Variants in CDH13 observed in about 807,000 individuals in gnomAD.
CDH13 encodes cadherin-13.
CDH13 carries 24 observed loss-of-function variants against 63.8 expected under a neutral mutation model. That is an observed-to-expected ratio of 0.38 (90% CI 0.27 to 0.53). The LOEUF (loss-of-function observed/expected upper bound fraction) is 0.53, where lower values mean the gene tolerates loss of function less well. Ranked by LOEUF, CDH13 falls within the 20% of genes least tolerant of loss-of-function variation. The probability of loss-of-function intolerance (pLI) is 0.85; values close to 1 mark genes in which losing one functional copy is unlikely to be tolerated. For synonymous variants in CDH13, 503 were observed against 355.3 expected, an observed-to-expected ratio of 1.42 and a Z score of -4.67; for missense variants, 1,049 against 903.1, an observed-to-expected ratio of 1.16 and a Z score of -2.07.
intron 7 of CDH13, among the ~76,000 whole-genome samples, chr16:83,521,070 A>C (rs187532654): frequency 4.6e-5 from 7 of 152,360 alleles, no homozygotes; most frequent in African/African-American, 1.7e-4. Context: ...TTAAAGCAAC[A>C]TGCTCTCTTT....
intron 5 of CDH13, among the ~76,000 whole-genome samples, chr16:83,220,326 T>C (rs1033999354): frequency 2.6e-5 from 4 of 152,212 alleles, no homozygotes; most frequent in African/African-American, 4.8e-5. Flanking sequence ...GGCACAGGAA[T>C]GTTGCAATTT....
intron 1 of CDH13, among the ~76,000 whole-genome samples, chr16:82,852,491 T>C (rs286674): frequency 0.26 from 38,822 of 152,044 alleles, 5,280 homozygotes; most frequent in Middle Eastern, 0.32. Context: ...TGCAGGACAT[T>C]CAGGGGCCAT....
At chr16:82,638,174 T>C (rs1218219575) in intron 1 of CDH13, among the ~76,000 whole-genome samples, 1 of 152,164 alleles carries the variant, frequency 6.6e-6, no homozygotes, top group Non-Finnish European at 1.5e-5. Flanking sequence ...TGAAGAACGC[T>C]GCAAACCTGG....
chr16:83,350,752 T>C (rs2090936377), intron 6 of CDH13, among the ~76,000 whole-genome samples: 1 of 152,098 alleles, frequency 6.6e-6, no homozygotes, highest in Non-Finnish European at 1.5e-5. Flanking sequence ...TATGGGAGGC[T>C]CATCTCGGGA....
At chr16:83,086,632 A>G (rs1224916797) in intron 3 of CDH13, among the ~76,000 whole-genome samples, 1 of 152,232 alleles carries the variant, frequency 6.6e-6, no homozygotes, top group African/African-American at 2.4e-5. Flanking sequence ...TGACCTTGAC[A>G]TTTAAACCAT....
intron 2 of CDH13, among the ~76,000 whole-genome samples, chr16:82,903,797 G>A (rs1399863149): frequency 2.0e-5 from 3 of 152,144 alleles, no homozygotes; most frequent in African/African-American, 2.4e-5. Flanking sequence ...TCATAGGGAA[G>A]GTAGGGTTTA....
intron 7 of CDH13, among the ~76,000 whole-genome samples, chr16:83,504,606 G>T (rs1427641183): frequency 1.3e-5 from 2 of 152,156 alleles, no homozygotes; most frequent in East Asian, 1.9e-4. Context: ...CACTCCGGGT[G>T]CTGTGCCCAT....
intron 5 of CDH13, among the ~76,000 whole-genome samples, chr16:83,299,292 GAA>G (rs11308841): frequency 0.02 from 2,801 of 143,110 alleles, 77 homozygotes; most frequent in African/African-American, 0.058. Context: ...ATCAGGCCAT[GAA>G]AAAAAAAAAA....
chr16:83,485,809 A>C (rs756962172), intron 6 of CDH13, among the ~76,000 whole-genome samples: 1 of 152,050 alleles, frequency 6.6e-6, no homozygotes, highest in Non-Finnish European at 1.5e-5. Context: ...CTGTTTCCCC[A>C]ACACGCAGCC....
chr16:82,959,113 T>C (rs1203175963), intron 2 of CDH13, among the ~76,000 whole-genome samples: 2 of 152,208 alleles, frequency 1.3e-5, no homozygotes, highest in African/African-American at 2.4e-5. Flanking sequence ...ATATAAATAA[T>C]TATCTTTCAC....
chr16:82,756,237 C>G (rs1217714856), intron 1 of CDH13, among the ~76,000 whole-genome samples: 1 of 152,022 alleles, frequency 6.6e-6, no homozygotes, highest in Admixed American at 6.5e-5. Context: ...ATTAGATATT[C>G]TGGAATAAAA....
rs574545302 is a variant in CDH13, at chr16:83,517,802, T to C, written c.960+31147T>C. Among the ~76,000 whole-genome samples the C allele has an allele frequency of 2.6e-5, 4 of 152,298 alleles. No individual in the cohort carries two copies. In the South Asian group the frequency reaches 8.3e-4, roughly 32 times the overall value. On this transcript the variant is annotated intron_variant, in intron 7 of 13. Coordinates refer to ENST00000567109, the MANE Select transcript of CDH13 (RefSeq NM_001257.5). ...TGAGATGGGCAGTTTGGAGGCTCTT[T>C]TTTTAGCTTTAATGGTAATAGAATA... is the stretch of plus-strand genomic sequence containing the variant.
chr16:83,184,641 G>T (rs1253298512), intron 4 of CDH13, among the ~76,000 whole-genome samples: 1 of 152,156 alleles, frequency 6.6e-6, no homozygotes, highest in African/African-American at 2.4e-5. Context: ...TGTAGTCCCA[G>T]CTACTCAGGA....
chr16:83,707,070 T>C (rs1907188905), intron 10 of CDH13, among the ~76,000 whole-genome samples: 1 of 152,222 alleles, frequency 6.6e-6, no homozygotes, highest in Non-Finnish European at 1.5e-5. Flanking sequence ...ACATCTACTC[T>C]GGACATTTGC....
At position 83,216,428 on chromosome 16, in the gene CDH13, A is replaced by G. The variant is rs1340381677; in HGVS notation, c.484-917A>G. Among the ~76,000 whole-genome samples, 187 of 62,904 alleles carry G rather than the reference A, an allele frequency of 3.0e-3. 15 individuals carry two copies. Among genetic ancestry groups the G allele is most frequent in the African/African-American group, 0.01 (185 of 18,066 alleles). 41.3% of individuals were successfully genotyped at this position (62,904 alleles called of 152,430 possible). A position where few individuals can be genotyped will look rare whatever the true frequency, so the allele number is the denominator to read the frequency against. ...TATATATATATATATATATATATAT[A>G]TATATATATATATATACACAACCCT... On this transcript the variant is annotated intron_variant, in intron 4 of 13. Transcript: ENST00000567109.
intron 1 of CDH13, among the ~76,000 whole-genome samples, chr16:82,736,406 G>T (rs1428102738): frequency 1.3e-5 from 2 of 152,166 alleles, no homozygotes; most frequent in East Asian, 3.9e-4. Context: ...AAAGTTTGCA[G>T]GGGCTGTTAC....
At chr16:83,051,923 C>G (rs1010714934) in intron 3 of CDH13, among the ~76,000 whole-genome samples, 52 of 151,358 alleles carry the variant, frequency 3.4e-4, no homozygotes, top group African/African-American at 1.2e-3. Flanking sequence ...GTTTCTTTGG[C>G]CAACCATTTA....
chr16:83,680,057 G>A (rs777846976), intron 10 of CDH13, among the ~76,000 whole-genome samples: 5 of 152,166 alleles, frequency 3.3e-5, no homozygotes, highest in Admixed American at 6.5e-5. Flanking sequence ...AAGAAAGAAC[G>A]TGCTGGAGGA....
rs563035893 is a variant in CDH13, at chr16:83,449,226, C to T, written c.782-37251C>T. Among the ~76,000 whole-genome samples, 3 of 152,274 alleles carry T rather than the reference C, an allele frequency of 2.0e-5. No individual in the cohort carries two copies. The South Asian group carries it at 6.2e-4, about 32-fold the overall frequency. On this transcript the variant is annotated intron_variant, in intron 6 of 13. Transcript: ENST00000567109. ...ATGTCTTCTCATTTATAATGTCAAG[C>T]CCTTGGAGATAGGAGGCCCTCAATG...
Sources: gnomAD v4.1 joint callset for allele counts (sites outside exome capture counted in the v4.1 genomes callset) on GRCh38, gnomAD v4.1.1 for gene constraint, MANE v1.5 for transcripts, NCBI Gene and HGNC (gene_info 2026-07-23, HGNC 2026-07-21) for gene names.